Variants in ATP9B observed in about 807,000 individuals in gnomAD.
The protein encoded by ATP9B is ATPase phospholipid transporting 9B.
A neutral mutation model predicts 146.1 loss-of-function variants in ATP9B; 110 were observed. That is an observed-to-expected ratio of 0.75 (90% CI 0.65 to 0.88). The LOEUF is 0.88. ATP9B is among the 40% of genes least tolerant of loss of function. ATP9B has a pLI of 0.00. For synonymous variants in ATP9B, 604 were observed against 569.7 expected, an observed-to-expected ratio of 1.06 and a Z score of -0.86; for missense variants, 1,499 against 1,496.4, an observed-to-expected ratio of 1.00 and a Z score of -0.03.
At chr18:79,130,889 G>C (rs1769528592) in intron 5 of ATP9B, among the ~76,000 whole-genome samples, 1 of 152,150 alleles carries the variant, frequency 6.6e-6, no homozygotes, top group African/African-American at 2.4e-5. Context: ...TTCTGGGCCT[G>C]GTGGCCCATG....
chr18:79,149,973 T>C (rs968949472), intron 6 of ATP9B, among the ~76,000 whole-genome samples: 4 of 151,878 alleles, frequency 2.6e-5, no homozygotes, highest in Non-Finnish European at 5.9e-5. Context: ...CCTAGCTACT[T>C]GGGAGGCTGA....
intron 14 of ATP9B, among the ~76,000 whole-genome samples, chr18:79,305,544 T>C (rs560487157): frequency 3.3e-5 from 5 of 152,304 alleles, no homozygotes; most frequent in African/African-American, 1.2e-4. Context: ...AGGAATACAG[T>C]TTCTCCCAGG....
chr18:79,190,906 A>G (rs879302065), intron 8 of ATP9B, among the ~76,000 whole-genome samples: 1 of 151,996 alleles, frequency 6.6e-6, no homozygotes, highest in Non-Finnish European at 1.5e-5. Flanking sequence ...TTTTTTTTAA[A>G]TATTTACTTA....
At chr18:79,174,020 C>A in intron 7 of ATP9B, 1 of 325,866 alleles carries the variant, frequency 3.1e-6, no homozygotes. Flanking sequence ...TTTCTTGATA[C>A]CCGAGGAATT....
chr18:79,198,913 A>G (rs1045255373), intron 9 of ATP9B, among the ~76,000 whole-genome samples: 1 of 152,124 alleles, frequency 6.6e-6, no homozygotes, highest in African/African-American at 2.4e-5. Context: ...CCTATTTAAA[A>G]ATGTTTTTCT....
In ATP9B at chr18:79,277,071, A is replaced by T. The variant is rs200914231; in HGVS notation, c.1286A>T (p.Asp429Val). ...IIPISLRVNL[D>V]MGKAVYGWMM... ...TTTGGCAGTTTGCGTGTGAACTTGG[A>T]CATGGGCAAAGCGGTGTATGGATGG... The change falls in exon 13 of 30, where the codon GAC becomes GTC. Residue 429 changes from aspartate to valine, a missense_variant. Asp to Val is a radical substitution (Grantham distance 152). Transcript: ENST00000426216. 110 of 1,614,158 alleles carry T rather than the reference A, an allele frequency of 6.8e-5. 1 individual carries two copies. In the East Asian group the frequency reaches 1.8e-3, roughly 27 times the overall value.
intron 7 of ATP9B, among the ~76,000 whole-genome samples, chr18:79,175,209 A>G (rs977388281): frequency 9.2e-5 from 14 of 151,532 alleles, no homozygotes; most frequent in African/African-American, 2.9e-4. Flanking sequence ...AAAAAAAAAA[A>G]AAAAGAAAAA....
At chr18:79,231,010 A>T (rs1217667856) in intron 11 of ATP9B, among the ~76,000 whole-genome samples, 1 of 152,232 alleles carries the variant, frequency 6.6e-6, no homozygotes, top group Non-Finnish European at 1.5e-5. Context: ...CTCAAGATGG[A>T]TCAAAGACTT....
intron 11 of ATP9B, among the ~76,000 whole-genome samples, chr18:79,230,084 TTTAA>T (rs1485394569): frequency 1.3e-5 from 2 of 152,170 alleles, no homozygotes; most frequent in Non-Finnish European, 2.9e-5. Context: ...TAAAGTGTAG[TTTAA>T]TTATTTTCCC....
At chr18:79,084,014 A>G (rs1298752834) in intron 1 of ATP9B, among the ~76,000 whole-genome samples, 1 of 151,730 alleles carries the variant, frequency 6.6e-6, no homozygotes, top group Non-Finnish European at 1.5e-5. Context: ...ACGTGCCACC[A>G]TGCCCGGCTA....
In ATP9B at chr18:79,376,056, G is replaced by C. The variant is rs903957596; in HGVS notation, c.3307+630G>C. ...GGTGACAGGCGAGAACATTCTCTGG[G>C]TGGGCCGGGCTCAGAGCCTCTAAGA... On this transcript the variant is annotated intron_variant, in intron 29 of 29. Transcript: ENST00000426216. 9 of 984,972 alleles carry C rather than the reference G, an allele frequency of 9.1e-6. No individual in the cohort carries two copies. In the African/African-American group the frequency reaches 1.6e-4, roughly 17 times the overall value. 61.0% of individuals were successfully genotyped at this position (984,972 alleles called of 1,614,324 possible).
chr18:79,285,919 G>A (rs2096434752), intron 13 of ATP9B, among the ~76,000 whole-genome samples: 1 of 150,216 alleles, frequency 6.7e-6, no homozygotes, highest in Non-Finnish European at 1.5e-5. Flanking sequence ...TCAAAGATCA[G>A]ATAGTTGTAG....
chr18:79,070,999 A>G (rs769756209), intron 1 of ATP9B, among the ~76,000 whole-genome samples: 10 of 141,946 alleles, frequency 7.0e-5, no homozygotes, highest in Admixed American at 5.5e-4. Flanking sequence ...TAAGTGTGCC[A>G]TTTATTATCT....
chr18:79,262,942 A>C lies in ATP9B; in HGVS notation c.1268+9401A>C, dbSNP rs562894725. Among the ~76,000 whole-genome samples the C allele has an allele frequency of 6.6e-5, 10 of 152,342 alleles. No homozygotes were observed. The South Asian group carries it at 1.9e-3, about 28-fold the overall frequency. On this transcript the variant is annotated intron_variant, in intron 12 of 29. Coordinates refer to ENST00000426216, the MANE Select transcript of ATP9B (RefSeq NM_198531.5). ...AATTCATTTCATTTCTTTTGAAATA[A>C]TCACTGTCTTGGCTTTAAAAAAATT...
chr18:79,371,938 T>C (rs2097073467), intron 26 of ATP9B, among the ~76,000 whole-genome samples: 1 of 152,252 alleles, frequency 6.6e-6, no homozygotes, highest in African/African-American at 2.4e-5. Context: ...ATCACGGAAC[T>C]TCTCGAGTCT....
chr18:79,332,380 G>C (rs2096796127), intron 17 of ATP9B, among the ~76,000 whole-genome samples: 1 of 152,254 alleles, frequency 6.6e-6, no homozygotes. Context: ...AGTGAGCCAA[G>C]ATCGCGACAC....
intron 11 of ATP9B, among the ~76,000 whole-genome samples, chr18:79,223,692 C>G (rs73002004): frequency 0.067 from 10,156 of 152,256 alleles, 414 homozygotes; most frequent in Non-Finnish European, 0.091. Flanking sequence ...GCACAGCCTT[C>G]ACTTGCATAC....
intron 25 of ATP9B, among the ~76,000 whole-genome samples, chr18:79,350,211 A>G (rs1222754428): frequency 6.6e-6 from 1 of 152,194 alleles, no homozygotes; most frequent in Admixed American, 6.5e-5. Flanking sequence ...CTCCCAAGAT[A>G]GCAGCAGCCT....
intron 12 of ATP9B, among the ~76,000 whole-genome samples, chr18:79,265,388 C>A (rs1173002875): frequency 6.6e-6 from 1 of 152,204 alleles, no homozygotes; most frequent in East Asian, 1.9e-4. Flanking sequence ...TCCTGATCTG[C>A]CCGCCTCGGC....
Sources: allele counts gnomAD v4.1 joint callset (sites outside exome capture counted in the v4.1 genomes callset), GRCh38; gene constraint gnomAD v4.1.1; transcripts MANE v1.5; gene names NCBI Gene and HGNC (gene_info 2026-07-23, HGNC 2026-07-21).